KIAA0753: variants seen among roughly 807,000 people sequenced by gnomAD.
KIAA0753 encodes KIAA0753.
Under a neutral mutation model 116.9 loss-of-function variants are expected in KIAA0753, and 114 were observed. That is an observed-to-expected ratio of 0.98 (90% CI 0.84 to 1.14). The LOEUF is 1.14. Ranked by LOEUF, KIAA0753 falls within the 50% of genes most tolerant of loss-of-function variation. The probability of loss-of-function intolerance (pLI) is 0.00; values close to 1 mark genes in which losing one functional copy is unlikely to be tolerated. For missense variants in KIAA0753, 1,156 were observed against 1,172.4 expected, an observed-to-expected ratio of 0.99 and a Z score of 0.20; for synonymous variants, 405 against 413.1, an observed-to-expected ratio of 0.98 and a Z score of 0.24.
At chr17:6,630,452 T>C (rs1262046483) in intron 2 of KIAA0753, among the ~76,000 whole-genome samples, 1 of 151,952 alleles carries the variant, frequency 6.6e-6, no homozygotes, top group Non-Finnish European at 1.5e-5. Flanking sequence ...CATGCATTCA[T>C]CACTTTTTTT....
At chr17:6,609,926 G>C in intron 9 of KIAA0753, 68 bp downstream of exon 9, 1 of 1,547,646 alleles carries the variant, frequency 6.5e-7, no homozygotes, top group Non-Finnish European at 8.8e-7. Context: ...ATAAGCTACA[G>C]GTCACCTTTG....
intron 2 of KIAA0753, among the ~76,000 whole-genome samples, chr17:6,631,831 A>C (rs1972036694): frequency 6.6e-6 from 1 of 152,194 alleles, no homozygotes; most frequent in South Asian, 2.1e-4. Context: ...TCCTTGGATA[A>C]ATGGTTAATT....
intron 12 of KIAA0753, among the ~76,000 whole-genome samples, chr17:6,605,618 C>T (rs1970145771): frequency 6.6e-6 from 1 of 152,056 alleles, no homozygotes; most frequent in Non-Finnish European, 1.5e-5. Context: ...CAAAATTAAA[C>T]AAGATATTGT....
At chr17:6,596,028 C>A in intron 15 of KIAA0753, 130 bp downstream of exon 15, 1 of 856,066 alleles carries the variant, frequency 1.2e-6, no homozygotes, top group East Asian at 2.4e-5. Context: ...AGTTAGTTGG[C>A]AATAGAGCAG....
intron 12 of KIAA0753, among the ~76,000 whole-genome samples, chr17:6,603,372 T>C (rs1450261438): frequency 6.6e-6 from 1 of 152,108 alleles, no homozygotes; most frequent in Non-Finnish European, 1.5e-5. Flanking sequence ...ACACCCACAA[T>C]AAGTCCTATC....
chr17:6,615,893 T>C (rs1322556046), intron 7 of KIAA0753, among the ~76,000 whole-genome samples: 2 of 152,146 alleles, frequency 1.3e-5, no homozygotes, highest in African/African-American at 4.8e-5. Context: ...AACTATTATG[T>C]AAATCACAAG....
chr17:6,579,725 A>G lies in KIAA0753; in HGVS notation c.*22T>C. On this transcript the variant is annotated 3_prime_UTR_variant, in exon 19 of 19. Coordinates refer to ENST00000361413, the MANE Select transcript of KIAA0753 (RefSeq NM_014804.3). ...CCATCCCTTCTCCAGTGTGACACAA[A>G]TGGCCTCGCCTCAGAGAGCCTTTAT... is the stretch of plus-strand genomic sequence containing the variant. 1 of 1,537,902 alleles carries G rather than the reference A, an allele frequency of 6.5e-7. No individual in the cohort carries two copies.
chr17:6,615,533 T>A (rs1421912852), intron 7 of KIAA0753, among the ~76,000 whole-genome samples: 1 of 139,656 alleles, frequency 7.2e-6, no homozygotes, highest in Non-Finnish European at 1.5e-5. Context: ...GAGAATGGTG[T>A]GAACCCGCGA....
In KIAA0753 at chr17:6,591,040, G is replaced by GGAAGAAGGAAGAAGGAGGAAGAA. The variant is rs1567540520; in HGVS notation, c.2441-411_2441-410insTTCTTCCTCCTTCTTCCTTCTTC. Among the ~76,000 whole-genome samples the GGAAGAAGGAAGAAGGAGGAAGAA allele has an allele frequency of 7.3e-4, 73 of 99,994 alleles. 3 individuals are homozygous for GGAAGAAGGAAGAAGGAGGAAGAA. The highest frequency in any genetic ancestry group is 2.3e-3 in the African/African-American group (59 of 25,870). 65.6% of individuals were successfully genotyped at this position (99,994 alleles called of 152,430 possible). A position where few individuals can be genotyped will look rare whatever the true frequency, so the allele number is the denominator to read the frequency against. Reference sequence around the variant, plus strand: ...AGAAGGAAGAAGGAAGAAGGAAGAAGGAAGAAGAAGAAGAAGAAGAAGAAG... The same window carrying GGAAGAAGGAAGAAGGAGGAAGAA: ...AGAAGGAAGAAGGAAGAAGGAAGAAGGAAGAAGGAAGAAGGAGGAAGAAGAAGAAGAAGAAGAAGAAGAAGAAG... On this transcript the variant is annotated intron_variant, in intron 16 of 18. Transcript: ENST00000361413.
At chr17:6,597,813 G>A (rs1030213871) in intron 14 of KIAA0753, among the ~76,000 whole-genome samples, 2 of 152,318 alleles carry the variant, frequency 1.3e-5, no homozygotes, top group Admixed American at 1.3e-4. Context: ...AGAACACTGA[G>A]AATTTGTGTT....
At chr17:6,630,482 C>A (rs2150914091) in intron 2 of KIAA0753, among the ~76,000 whole-genome samples, 2 of 151,704 alleles carry the variant, frequency 1.3e-5, no homozygotes, top group Admixed American at 6.6e-5. Context: ...AAAGATTTAG[C>A]ACAGGAAAGA....
In KIAA0753 at chr17:6,590,757, T is replaced by C. The variant is rs1023437888; in HGVS notation, c.2441-127A>G. On this transcript the variant is annotated intron_variant, in intron 16 of 18. Transcript: ENST00000361413. ...ATCTCTTAAGCACGACAGGGTTGGC[T>C]AGCAGTGCAATGGGAAAATGCTCAT... The C allele has an allele frequency of 1.2e-5, 11 of 898,060 alleles. No individual in the cohort carries two copies. In the African/African-American group the frequency reaches 1.7e-4, roughly 14 times the overall value. 55.6% of individuals were successfully genotyped at this position (898,060 alleles called of 1,614,324 possible).
At chr17:6,593,296 G>A (rs572018809) in intron 16 of KIAA0753, among the ~76,000 whole-genome samples, 4 of 152,270 alleles carry the variant, frequency 2.6e-5, no homozygotes, top group Non-Finnish European at 5.9e-5. Flanking sequence ...AGCACTTCGG[G>A]AGGCCGGGAG....
rs201579586 is a variant in KIAA0753 at position 6,625,417 on chromosome 17, A to G, written c.719-556T>C. ...AGTGGTGGCTCACCCCTATAATCCC[A>G]GCACTTTGGGAGGCTGAGATGGGCG... On this transcript the variant is annotated intron_variant, in intron 3 of 18. Coordinates refer to ENST00000361413, the MANE Select transcript of KIAA0753 (RefSeq NM_014804.3). Among the ~76,000 whole-genome samples the G allele has an allele frequency of 2.0e-5, 3 of 152,152 alleles. No individual in the cohort carries two copies. In the East Asian group the frequency reaches 5.8e-4, roughly 29 times the overall value.
chr17:6,595,900 A>T (rs1164207228), intron 15 of KIAA0753, among the ~76,000 whole-genome samples: 1 of 152,184 alleles, frequency 6.6e-6, no homozygotes, highest in Non-Finnish European at 1.5e-5. Flanking sequence ...ATATCGGGGG[A>T]TAATAATAAT....
chr17:6,589,896 AAG>A lies in KIAA0753; in HGVS notation c.2667_2668del (p.Phe890CysfsTer11). 1 of 1,613,898 alleles carries A rather than the reference AAG, an allele frequency of 6.2e-7. No homozygotes were observed. The highest frequency in any genetic ancestry group is 8.5e-7 in the Non-Finnish European group (1 of 1,179,896). ...GCTGTGCTGCATACCCGGTGGGACAAAGAGGGGAGCTCGGCCTTCTTTCTGTT... is the reference window on the plus strand; with the variant it reads ...GCTGTGCTGCATACCCGGTGGGACAAAGGGGAGCTCGGCCTTCTTTCTGTT... On this transcript the variant is annotated frameshift_variant, in exon 18 of 19. Coordinates refer to ENST00000361413, the MANE Select transcript of KIAA0753 (RefSeq NM_014804.3). LOFTEE classifies it high-confidence loss of function.
At chr17:6,638,351 C>G (rs1013737843) in intron 1 of KIAA0753, 1 of 152,734 alleles carries the variant, frequency 6.5e-6, no homozygotes, top group Admixed American at 6.5e-5. Flanking sequence ...TCCTGACACA[C>G]AGGACCAGAC....
At chr17:6,622,217 T>A (rs1482833274) in intron 6 of KIAA0753, among the ~76,000 whole-genome samples, 4 of 152,204 alleles carry the variant, frequency 2.6e-5, no homozygotes, top group Non-Finnish European at 5.9e-5. Context: ...AAAATAACTG[T>A]CATCTCTCCG....
intron 18 of KIAA0753, 42 bp downstream of exon 18, chr17:6,589,737 G>C (rs77936465): frequency 1.3e-6 from 2 of 1,495,372 alleles, no homozygotes; most frequent in Non-Finnish European, 1.8e-6. Flanking sequence ...CTAAAATTTT[G>C]CAATTTGGTT....
Sources: allele counts gnomAD v4.1 joint callset (sites outside exome capture counted in the v4.1 genomes callset), GRCh38; gene constraint gnomAD v4.1.1; transcripts MANE v1.5; gene names NCBI Gene and HGNC (gene_info 2026-07-23, HGNC 2026-07-21).